Variants in FRMPD4 observed in about 807,000 individuals in gnomAD.
FRMPD4 encodes the protein FERM and PDZ domain containing 4, also known as FERM and PDZ domain-containing protein 4.
Under a neutral mutation model 94.1 loss-of-function variants are expected in FRMPD4, and 22 were observed. The observed-to-expected ratio is 0.23, with a 90% CI of 0.17 to 0.33. The LOEUF (loss-of-function observed/expected upper bound fraction) is 0.33, where lower values mean the gene tolerates loss of function less well. FRMPD4 is among the 10% of genes least tolerant of loss of function. The pLI is 1.00. For synonymous variants in FRMPD4, 631 were observed against 548.6 expected, an observed-to-expected ratio of 1.15 and a Z score of -2.10; for missense variants, 1,111 against 1,339.9, an observed-to-expected ratio of 0.83 and a Z score of 2.67.
chrX:11,966,275 GGCTCCACCCTCATGAAT>G (rs1278641646), intron 3 of FRMPD4, among the ~76,000 whole-genome samples: 3 of 110,739 alleles, frequency 2.7e-5, no homozygotes, highest in African/African-American at 9.9e-5. Flanking sequence ...AGGTCATGAG[GGCTCCACCCTCATGAAT>G]GGGATTAGTG....
chrX:12,017,805 G>T (rs1035303629), intron 3 of FRMPD4, among the ~76,000 whole-genome samples: 4 of 111,625 alleles, frequency 3.6e-5, no homozygotes, highest in Non-Finnish European at 7.5e-5. Context: ...ACAGCACCTT[G>T]ATTCTCTAGA....
chrX:12,538,807 G>A (rs1376518951), intron 2 of FRMPD4, among the ~76,000 whole-genome samples: 11 of 111,705 alleles, frequency 9.8e-5, no homozygotes, highest in Non-Finnish European at 1.3e-4. Flanking sequence ...CCATCTGTAC[G>A]TCACCATCAT....
intron 3 of FRMPD4, among the ~76,000 whole-genome samples, chrX:12,071,075 T>C (rs1240209901): frequency 8.9e-6 from 1 of 111,893 alleles, no homozygotes. Flanking sequence ...GTTGAGTTAC[T>C]TGCCCAGAGC....
chrX:12,518,848 A>ACAT (rs1312022994), intron 2 of FRMPD4, among the ~76,000 whole-genome samples: 9 of 107,858 alleles, frequency 8.3e-5, no homozygotes, highest in Non-Finnish European at 1.6e-4. Context: ...CACACACACA[A>ACAT]ACTGCTAAAA....
chrX:12,527,543 A>G (rs1179045964), intron 2 of FRMPD4, among the ~76,000 whole-genome samples: 1 of 98,819 alleles, frequency 1.0e-5, no homozygotes, highest in Non-Finnish European at 2.0e-5. Flanking sequence ...AAATCACCAC[A>G]CTTTTAGAAT....
At chrX:12,334,633 T>C (rs138881197) in intron 1 of FRMPD4, among the ~76,000 whole-genome samples, 73 of 109,985 alleles carry the variant, frequency 6.6e-4, no homozygotes, top group Middle Eastern at 4.7e-3. Context: ...AGCCAACTTA[T>C]GTATAGGCAG....
intron 3 of FRMPD4, among the ~76,000 whole-genome samples, chrX:11,898,155 G>A (rs2053914646): frequency 9.0e-6 from 1 of 111,159 alleles, no homozygotes; most frequent in Non-Finnish European, 1.9e-5. Context: ...GGGCAGGCAG[G>A]AAGAGAGGCA....
chrX:12,211,525 G>A (rs1011889720), intron 1 of FRMPD4, among the ~76,000 whole-genome samples: 1 of 111,786 alleles, frequency 8.9e-6, no homozygotes, highest in Non-Finnish European at 1.9e-5. Flanking sequence ...AGTTCAGTAT[G>A]GAAATCTTAT....
At chrX:12,160,607 T>TCC (rs756079164) in intron 1 of FRMPD4, among the ~76,000 whole-genome samples, 1 of 111,847 alleles carries the variant, frequency 8.9e-6, no homozygotes, top group Non-Finnish European at 1.9e-5. Context: ...ATTCAGTGGT[T>TCC]CTTCTGTGGC....
At chrX:12,360,674 G>C (rs987893298) in intron 1 of FRMPD4, among the ~76,000 whole-genome samples, 1 of 111,343 alleles carries the variant, frequency 9.0e-6, no homozygotes, top group African/African-American at 3.3e-5. Context: ...CATGCTCTGG[G>C]TAATTCCTGA....
At chrX:12,410,222 C>T (rs1264099162) in intron 1 of FRMPD4, among the ~76,000 whole-genome samples, 1 of 111,482 alleles carries the variant, frequency 9.0e-6, no homozygotes. Context: ...CCCATTTACA[C>T]GCCCAGGTAA....
At chrX:11,965,304 G>A (rs1002748771) in intron 3 of FRMPD4, among the ~76,000 whole-genome samples, 1 of 112,027 alleles carries the variant, frequency 8.9e-6, no homozygotes, top group East Asian at 2.8e-4. Flanking sequence ...GTTTGCTGAA[G>A]CAATCATTCA....
chrX:12,647,678 A>G (rs2059560763), intron 4 of FRMPD4, among the ~76,000 whole-genome samples: 1 of 111,195 alleles, frequency 9.0e-6, no homozygotes, highest in African/African-American at 3.3e-5. Flanking sequence ...TCTTTTTACC[A>G]TTTTCTGAGC....
chrX:11,914,190 G>A (rs1307751671), intron 3 of FRMPD4, among the ~76,000 whole-genome samples: 1 of 111,496 alleles, frequency 9.0e-6, no homozygotes, highest in Non-Finnish European at 1.9e-5. Flanking sequence ...CATCTAGCAT[G>A]ACAAATTGAT....
At chrX:12,152,141 A>T (rs1187809222) in intron 1 of FRMPD4, among the ~76,000 whole-genome samples, 3 of 111,787 alleles carry the variant, frequency 2.7e-5, no homozygotes, top group Non-Finnish European at 5.6e-5. Flanking sequence ...GGTGGATTTG[A>T]GCAAGTTGGG....
At chrX:12,480,912 C>G (rs1454137300) in intron 1 of FRMPD4, among the ~76,000 whole-genome samples, 1 of 111,813 alleles carries the variant, frequency 8.9e-6, no homozygotes, top group Non-Finnish European at 1.9e-5. Context: ...CAGTTTTGCA[C>G]TTGTTTGTTG....
intron 3 of FRMPD4, among the ~76,000 whole-genome samples, chrX:12,079,389 T>G (rs1041467341): frequency 1.8e-5 from 2 of 111,164 alleles, no homozygotes; most frequent in Non-Finnish European, 3.8e-5. Context: ...GAATGAAGTT[T>G]TGCAACTTAT....
chrX:12,532,112 C>T (rs1290338386), intron 2 of FRMPD4, among the ~76,000 whole-genome samples: 4 of 111,850 alleles, frequency 3.6e-5, no homozygotes, highest in African/African-American at 9.7e-5. Flanking sequence ...AAGCAGCAGG[C>T]ATGGGTCACT....
At chrX:12,074,595 C>G (rs895694797) in intron 3 of FRMPD4, among the ~76,000 whole-genome samples, 2 of 111,908 alleles carry the variant, frequency 1.8e-5, no homozygotes, top group East Asian at 5.6e-4. Context: ...CCTGCTTTAC[C>G]ATTTCAATAT....
Sources: gnomAD v4.1 joint callset for allele counts (sites outside exome capture counted in the v4.1 genomes callset) on GRCh38, gnomAD v4.1.1 for gene constraint, MANE v1.5 for transcripts, NCBI Gene and HGNC (gene_info 2026-07-23, HGNC 2026-07-21) for gene names.